Variants in XIRP2 observed in about 807,000 individuals in gnomAD.
XIRP2 encodes the protein xin actin binding repeat containing 2.
In XIRP2, 236 loss-of-function variants were observed where a neutral mutation model predicts 277.0. The observed-to-expected ratio is 0.85, with a 90% CI of 0.77 to 0.95. The LOEUF (loss-of-function observed/expected upper bound fraction) is 0.95, where lower values mean the gene tolerates loss of function less well. Among genes scored for constraint, XIRP2 ranks in the 40% least tolerant of loss-of-function variants. XIRP2 has a pLI of 0.00. For synonymous variants in XIRP2, 1,490 were observed against 1,416.5 expected (o/e 1.05, Z -1.17); for missense variants, 4,640 against 4,157.5 (o/e 1.12, Z -3.19).
chr2:167,120,182 G>A (rs17616252), intron 2 of XIRP2, among the ~76,000 whole-genome samples: 11,019 of 152,116 alleles, frequency 0.072, 479 homozygotes, highest in South Asian at 0.17. Flanking sequence ...TAGAAAATAC[G>A]AGGCCCTTTC....
intron 3 of XIRP2, among the ~76,000 whole-genome samples, chr2:167,154,230 T>C (rs1403691569): frequency 6.7e-6 from 1 of 148,504 alleles, no homozygotes; most frequent in East Asian, 2.0e-4. Flanking sequence ...TCTGTTCATA[T>C]CCTTGGCCAC....
intron 2 of XIRP2, among the ~76,000 whole-genome samples, chr2:167,060,529 G>A (rs1689150986): frequency 6.6e-6 from 1 of 152,056 alleles, no homozygotes; most frequent in Non-Finnish European, 1.5e-5. Flanking sequence ...TGTATATATA[G>A]TGTGAAATAA....
At chr2:167,181,967 G>A (rs1411475238) in intron 3 of XIRP2, among the ~76,000 whole-genome samples, 2 of 151,952 alleles carry the variant, frequency 1.3e-5, no homozygotes, top group Admixed American at 6.6e-5. Flanking sequence ...ACTCCCCAAA[G>A]CCCCCTGGCT....
chr2:167,026,439 C>G (rs961207545), intron 2 of XIRP2, among the ~76,000 whole-genome samples: 21 of 152,234 alleles, frequency 1.4e-4, no homozygotes, highest in African/African-American at 5.1e-4. Flanking sequence ...TTAATTGGAG[C>G]ATTTATCCCA....
intron 2 of XIRP2, among the ~76,000 whole-genome samples, chr2:166,950,466 G>A (rs145751038): frequency 9.9e-5 from 15 of 152,036 alleles, no homozygotes; most frequent in African/African-American, 3.6e-4. Flanking sequence ...AAAAAAAATT[G>A]ATAGAAAATA....
rs778043055 is a variant in XIRP2 at position 167,251,957 on chromosome 2, C to T, written c.10555+10C>T. 172 of 1,534,838 alleles carry T rather than the reference C, an allele frequency of 1.1e-4. No individual in the cohort carries two copies. Among genetic ancestry groups the T allele is most frequent in the Non-Finnish European group, 1.4e-4 (166 of 1,148,326 alleles). ...TCTGCATTTATAAGTGGTAAATGAG[C>T]TTGCAATGTGTTAAAGAAGATTAAC... On this transcript the variant is annotated intron_variant, in intron 9 of 10. Coordinates refer to ENST00000409195, the MANE Select transcript of XIRP2 (RefSeq NM_152381.6).
chr2:167,245,705 CAGTA>C lies in XIRP2; in HGVS notation c.4317_4320del (p.Val1441MetfsTer23). On this transcript the variant is annotated frameshift_variant, in exon 9 of 11. Transcript: ENST00000409195. LOFTEE classifies it high-confidence loss of function. ...TTTGATAAGAATAACTATATACGAA[CAGTA>C]AGTGTCAATGAAATACAAAAGGGCA... 9 of 1,613,564 alleles carry C rather than the reference CAGTA, an allele frequency of 5.6e-6. No individual in the cohort carries two copies. The highest frequency in any genetic ancestry group is 7.6e-6 in the Non-Finnish European group (9 of 1,179,700).
chr2:167,124,439 T>C (rs1458825022), intron 2 of XIRP2: 1 of 152,198 alleles, frequency 6.6e-6, no homozygotes, highest in African/African-American at 2.4e-5. Context: ...TTTGGACATT[T>C]CTCAGTTGCG....
At chr2:166,988,287 A>G (rs1225071492) in intron 2 of XIRP2, among the ~76,000 whole-genome samples, 2 of 152,190 alleles carry the variant, frequency 1.3e-5, no homozygotes, top group African/African-American at 2.4e-5. Flanking sequence ...GGGACATTCT[A>G]CTAACTGCCT....
chr2:167,207,132 G>A (rs1693880311), intron 3 of XIRP2, among the ~76,000 whole-genome samples: 1 of 151,992 alleles, frequency 6.6e-6, no homozygotes, highest in African/African-American at 2.4e-5. Flanking sequence ...TTGGATGATT[G>A]CTTAATAGGA....
intron 2 of XIRP2, among the ~76,000 whole-genome samples, chr2:166,937,383 A>G (rs1161773570): frequency 2.0e-5 from 3 of 152,150 alleles, no homozygotes; most frequent in African/African-American, 7.2e-5. Context: ...TATATGCTGG[A>G]TTACATTTAT....
rs953766537 is a variant in XIRP2 at position 167,004,148 on chromosome 2, C to A, written c.408+100258C>A. 2.6e-5 allele frequency among the ~76,000 whole-genome samples: 4 copies of A among 151,838 alleles called. No individual in the cohort carries two copies. In the South Asian group the frequency reaches 8.3e-4, roughly 32 times the overall value. On this transcript the variant is annotated intron_variant, in intron 2 of 10. Coordinates refer to ENST00000409195, the MANE Select transcript of XIRP2 (RefSeq NM_152381.6). Reference sequence around the variant, plus strand: ...AATGAAAACCCAAATGCCTTTTTATCTATGAGAATATTATCAGCAATATAA... The same window carrying A: ...AATGAAAACCCAAATGCCTTTTTATATATGAGAATATTATCAGCAATATAA...
Position 167,251,644 on chromosome 2 carries a change from C to T in XIRP2, c.10252C>T (p.His3418Tyr). The T allele has an allele frequency of 6.2e-7, 1 of 1,613,446 alleles. No homozygotes were observed. The highest frequency in any genetic ancestry group is 8.5e-7 in the Non-Finnish European group (1 of 1,179,636). Reference protein sequence around the residue: ...ICSETRSLSEHFSGMDAFESQ... With the variant: ...ICSETRSLSEYFSGMDAFESQ... ...CTCTGAAACCAGGTCTCTAAGTGAA[C>T]ATTTCTCAGGCATGGATGCATTTGA... Residue 3418 changes from histidine (H) to tyrosine (Y), a missense_variant, in exon 9 of 11, where the codon CAT becomes TAT. Coordinates refer to ENST00000409195, the MANE Select transcript of XIRP2 (RefSeq NM_152381.6).
chr2:167,093,524 G>T (rs1372829939), intron 2 of XIRP2, among the ~76,000 whole-genome samples: 1 of 151,926 alleles, frequency 6.6e-6, no homozygotes, highest in African/African-American at 2.4e-5. Flanking sequence ...GTGCCCACAT[G>T]TTCTCATTGT....
intron 3 of XIRP2, among the ~76,000 whole-genome samples, chr2:167,190,389 C>A (rs577219018): frequency 7.9e-5 from 12 of 152,138 alleles, no homozygotes; most frequent in East Asian, 1.9e-4. Flanking sequence ...CCCTACCCCC[C>A]ACTCCTGACT....
intron 2 of XIRP2, among the ~76,000 whole-genome samples, chr2:167,015,456 A>C (rs764383575): frequency 1.7e-4 from 26 of 150,504 alleles, no homozygotes; most frequent in Non-Finnish European, 3.4e-4. Context: ...CTATCTATCT[A>C]TCTATCATAT....
intron 2 of XIRP2, among the ~76,000 whole-genome samples, chr2:166,931,171 A>C (rs1028141961): frequency 8.6e-5 from 13 of 151,874 alleles, no homozygotes; most frequent in African/African-American, 2.9e-4. Context: ...TTATATTATA[A>C]TATGAAGACT....
At position 167,251,303 on chromosome 2, in the gene XIRP2, G is replaced by C; in HGVS notation, c.9911G>C (p.Arg3304Pro). Residue 3304 changes from arginine to proline, a missense_variant, in exon 9 of 11, where the codon CGC becomes CCC. Coordinates refer to ENST00000409195, the MANE Select transcript of XIRP2 (RefSeq NM_152381.6). The part of the protein sequence containing the change: ...EIIRKVAVPP[R>P]LSEHTQRYEA... ...ATCCGCAAGGTTGCAGTGCCTCCTCGCCTGTCAGAGCACACACAGAGATAT... is the reference window on the plus strand; with the variant it reads ...ATCCGCAAGGTTGCAGTGCCTCCTCCCCTGTCAGAGCACACACAGAGATAT... The C allele has an allele frequency of 1.2e-6, 2 of 1,613,526 alleles. No homozygotes were observed. The highest frequency in any genetic ancestry group is 1.7e-6 in the Non-Finnish European group (2 of 1,179,672).
intron 2 of XIRP2, among the ~76,000 whole-genome samples, chr2:167,039,051 G>C (rs1381741092): frequency 6.6e-6 from 1 of 151,912 alleles, no homozygotes; most frequent in Non-Finnish European, 1.5e-5. Flanking sequence ...TCTATTTACT[G>C]CTTTCCCAAG....
Sources: allele counts gnomAD v4.1 joint callset (sites outside exome capture counted in the v4.1 genomes callset), GRCh38; gene constraint gnomAD v4.1.1; transcripts MANE v1.5; gene names NCBI Gene and HGNC (gene_info 2026-07-23, HGNC 2026-07-21).